The following LIN28A variants were observed in gnomAD, a reference collection of about 807,000 sequenced individuals.
The protein encoded by LIN28A is protein lin-28 homolog A.
LIN28A carries 11 observed loss-of-function variants against 21.1 expected under a neutral mutation model. The ratio of observed to expected loss-of-function variants is 0.52; its 90% CI spans 0.33 to 0.86. The LOEUF (loss-of-function observed/expected upper bound fraction) is 0.86, where lower values mean the gene tolerates loss of function less well. Among genes scored for constraint, LIN28A ranks in the 40% least tolerant of loss-of-function variants. LIN28A has a pLI of 0.03. For synonymous variants in LIN28A, 111 were observed against 108.7 expected, an observed-to-expected ratio of 1.02 and a Z score of -0.13; for missense variants, 219 against 279.8, an observed-to-expected ratio of 0.78 and a Z score of 1.55.
Position 26,411,385 on chromosome 1 carries a change from G to A in LIN28A, c.32-1G>A. ...AAGTGCCCGGCCCTCCCTCTCTCCA[G>A]GTGGCTGCGCCAAGGCGGCAGAAGA... On this transcript the variant is annotated splice_acceptor_variant, in intron 1 of 3. Transcript: ENST00000326279. LOFTEE classifies it high-confidence loss of function. This position sits in a 1 kb window ranked among gnomAD's most constrained non-coding sequence, Gnocchi z 5.4. The A allele has an allele frequency of 6.3e-7, 1 of 1,589,372 alleles. No homozygotes were observed. The highest frequency in any genetic ancestry group is 8.5e-7 in the Non-Finnish European group (1 of 1,170,088).
At chr1:26,415,464 T>C (rs2074987546) in intron 2 of LIN28A, among the ~76,000 whole-genome samples, 1 of 152,198 alleles carries the variant, frequency 6.6e-6, no homozygotes, top group Non-Finnish European at 1.5e-5. Flanking sequence ...CCCTTCTCTA[T>C]GTAACCCATA....
In LIN28A at chr1:26,411,708, C is replaced by A; in HGVS notation, c.228+126C>A. The stretch of plus-strand genomic sequence containing the variant: ...CCCTCATTATGCATCCCTGTCTTTG[C>A]TTCGGCACCCCAATTCTGAGTCCCT... On this transcript the variant is annotated intron_variant, in intron 2 of 3. Transcript: ENST00000326279. This position sits in a 1 kb window ranked among gnomAD's most constrained non-coding sequence, Gnocchi z 5.4. 1.1e-6 allele frequency: 1 copy of A among 904,114 alleles called. No homozygotes were observed. The highest frequency in any genetic ancestry group is 1.7e-6 in the Non-Finnish European group (1 of 583,040). The allele number at this position is 904,114 out of a possible 1,614,324, so 56.0% of individuals were successfully genotyped here.
intron 2 of LIN28A, among the ~76,000 whole-genome samples, chr1:26,412,855 G>A (rs2074969242): frequency 6.6e-6 from 1 of 152,040 alleles, no homozygotes; most frequent in Admixed American, 6.6e-5. Flanking sequence ...GGGAGATGGG[G>A]AGCCACCACT....
At chr1:26,410,946 G>T in intron 1 of LIN28A, 24 bp downstream of exon 1, 1 of 1,605,226 alleles carries the variant, frequency 6.2e-7, no homozygotes, top group Non-Finnish European at 8.5e-7. Context: ...ACTTAGCGGG[G>T]ACACTTTAGG....
At chr1:26,417,228 C>T (rs1296336984) in intron 2 of LIN28A, among the ~76,000 whole-genome samples, 2 of 152,204 alleles carry the variant, frequency 1.3e-5, no homozygotes, top group Non-Finnish European at 2.9e-5. Flanking sequence ...GTGGAGAACT[C>T]CAGGCAGGAG....
At chr1:26,416,444 A>G (rs1300153539) in intron 2 of LIN28A, among the ~76,000 whole-genome samples, 1 of 152,132 alleles carries the variant, frequency 6.6e-6, no homozygotes, top group Non-Finnish European at 1.5e-5. Flanking sequence ...ATTGCTAATC[A>G]CACTCTACTG....
rs2074952805 is a variant in LIN28A at position 26,410,827 on chromosome 1, C to T, written c.-65C>T. 6 of 1,570,870 alleles carry T rather than the reference C, an allele frequency of 3.8e-6. No homozygotes were observed. In the South Asian group the frequency reaches 6.7e-5, roughly 17 times the overall value. On this transcript the variant is annotated 5_prime_UTR_variant, in exon 1 of 4. Transcript: ENST00000326279. ...CTTCTCCGAACCAACCCTTTGCCTT[C>T]GGACTTCTCCGGGGCCAGCAGCCGC...
At chr1:26,412,967 C>T (rs1247200643) in intron 2 of LIN28A, among the ~76,000 whole-genome samples, 1 of 152,064 alleles carries the variant, frequency 6.6e-6, no homozygotes, top group Non-Finnish European at 1.5e-5. Context: ...ATTCCCCCAA[C>T]CCCCCATTAG....
chr1:26,423,413 C>CTTTTTTT (rs1202952934), intron 2 of LIN28A, among the ~76,000 whole-genome samples: 3,307 of 78,780 alleles, frequency 0.042, 13 homozygotes, highest in Non-Finnish European at 0.051. Context: ...TTTTCTTTTT[C>CTTTTTTT]TTTTTTTTTT....
chr1:26,424,571 TTTTA>T (rs970706922), intron 2 of LIN28A, among the ~76,000 whole-genome samples: 5 of 150,884 alleles, frequency 3.3e-5, no homozygotes, highest in African/African-American at 7.2e-5. Context: ...TTTACTTTTA[TTTTA>T]TTTATTTATT....
At chr1:26,412,959 T>C (rs1343297413) in intron 2 of LIN28A, among the ~76,000 whole-genome samples, 1 of 152,012 alleles carries the variant, frequency 6.6e-6, no homozygotes, top group African/African-American at 2.4e-5. Flanking sequence ...GCACCCTTAT[T>C]CCCCCAACCC....
chr1:26,425,402 A>C lies in LIN28A; in HGVS notation c.328A>C (p.Thr110Pro). 1 of 1,614,170 alleles carries C rather than the reference A, an allele frequency of 6.2e-7. No homozygotes were observed. Among genetic ancestry groups the C allele is most frequent in the Non-Finnish European group, 8.5e-7 (1 of 1,180,008 alleles). ...CAAGGGTCTGGAATCCATCCGTGTC[A>C]CCGGACCTGGTGGAGTATTCTGTAT... ...SAKGLESIRV[T>P]GPGGVFCIGS... The change falls in exon 3 of 4, where the codon ACC (threonine) becomes CCC (proline). Residue 110 changes from threonine (T) to proline (P), a missense_variant. Around this residue, in one of 3 missense-constraint regions of LIN28A, gnomAD observed 124 missense variants for 193.1 expected, o/e 0.64. Transcript: ENST00000326279.
In LIN28A at chr1:26,414,884, AAC is replaced by A. The variant is rs1435688967; in HGVS notation, c.228+3306_228+3307del. ...TCAAAAATCTCATCCCTGCTTGAGA[AAC>A]ACAGTTATATAGGAAAGCTGGAACA... On this transcript the variant is annotated intron_variant, in intron 2 of 3. Coordinates refer to ENST00000326279, the MANE Select transcript of LIN28A (RefSeq NM_024674.6). 2.0e-5 allele frequency among the ~76,000 whole-genome samples: 3 copies of A among 152,260 alleles called. No individual in the cohort carries two copies. In the East Asian group the frequency reaches 5.8e-4, roughly 29 times the overall value.
intron 2 of LIN28A, among the ~76,000 whole-genome samples, chr1:26,422,413 T>A (rs1006145869): frequency 1.5e-5 from 2 of 134,158 alleles, no homozygotes; most frequent in African/African-American, 6.2e-5. Context: ...TCAATTGTCC[T>A]ATTTTTTTTT....
At chr1:26,421,533 A>T (rs913693849) in intron 2 of LIN28A, among the ~76,000 whole-genome samples, 4 of 152,096 alleles carry the variant, frequency 2.6e-5, no homozygotes, top group African/African-American at 4.8e-5. Context: ...CAGTCTGATT[A>T]TCTGTCTTAA....
At position 26,410,932 on chromosome 1, in the gene LIN28A, C is replaced by A. The variant is rs549946562; in HGVS notation, c.31+10C>A. ...AACCAGCAGTTTGCAGGTTCGAGCTCGGGACTTAGCGGGGACACTTTAGGA... is the reference window on the plus strand; with the variant it reads ...AACCAGCAGTTTGCAGGTTCGAGCTAGGGACTTAGCGGGGACACTTTAGGA... On this transcript the variant is annotated intron_variant, in intron 1 of 3. Transcript: ENST00000326279. The A allele has an allele frequency of 2.4e-4, 381 of 1,604,012 alleles. 2 individuals are homozygous for A. The South Asian group carries it at 4.0e-3, about 17-fold the overall frequency.
rs1161259602 is a variant in LIN28A, at chr1:26,427,003, A to G, written c.*545A>G. On this transcript the variant is annotated 3_prime_UTR_variant, in exon 4 of 4. Transcript: ENST00000326279. ...GATGGCAAAAAGGGTGTTTGGGGGA[A>G]CAGCTGCAGACCTGCTGCTCTATGC... 1 of 161,998 alleles carries G rather than the reference A, an allele frequency of 6.2e-6. No homozygotes were observed. Among genetic ancestry groups the G allele is most frequent in the African/African-American group, 2.4e-5 (1 of 41,504 alleles). The allele number at this position is 161,998 out of a possible 1,614,324, so 10.0% of individuals were successfully genotyped here.
rs1393236333 is a variant in LIN28A, at chr1:26,428,111, G to A, written c.*1653G>A. On this transcript the variant is annotated 3_prime_UTR_variant, in exon 4 of 4. Transcript: ENST00000326279. ...ACTACGTTGATTGCTAGGTGGCCTA[G>A]TTTGTGTAAATATAATGTATTGGTC... is the stretch of plus-strand genomic sequence containing the variant. The A allele has an allele frequency of 6.6e-6, 1 of 152,638 alleles. No homozygotes were observed. The highest frequency in any genetic ancestry group is 1.5e-5 in the Non-Finnish European group (1 of 68,040). 9.5% of individuals were successfully genotyped at this position (152,638 alleles called of 1,614,324 possible). A position where few individuals can be genotyped will look rare whatever the true frequency, so the allele number is the denominator to read the frequency against.
chr1:26,419,079 G>A (rs1289952740), intron 2 of LIN28A, among the ~76,000 whole-genome samples: 2 of 152,060 alleles, frequency 1.3e-5, no homozygotes, highest in Non-Finnish European at 2.9e-5. Flanking sequence ...CTTTTTGGAG[G>A]GGATGGGGAA....
Sources: gnomAD v4.1 joint callset for allele counts (sites outside exome capture counted in the v4.1 genomes callset) on GRCh38, gnomAD v4.1.1 for gene constraint, gnomAD v4.1.1 regional missense constraint, Gnocchi (gnomAD v3.1) non-coding constraint, MANE v1.5 for transcripts, NCBI Gene and HGNC (gene_info 2026-07-23, HGNC 2026-07-21) for gene names.